GTF2H3: variants seen among roughly 807,000 people sequenced by gnomAD.
The protein encoded by GTF2H3 is general transcription factor IIH subunit 3, also known as TFIIH basal transcription factor complex p34 subunit.
In GTF2H3, 42 loss-of-function variants were observed where a neutral mutation model predicts 51.1. That is an observed-to-expected ratio of 0.82 (90% CI 0.64 to 1.06). The LOEUF is 1.06. Ranked by LOEUF, GTF2H3 falls within the 50% of genes least tolerant of loss-of-function variation. The pLI, the probability that GTF2H3 is intolerant of heterozygous loss-of-function variation, is 0.00. For missense variants in GTF2H3, 326 were observed against 366.1 expected, an observed-to-expected ratio of 0.89 and a Z score of 0.89; for synonymous variants, 123 against 123.8, an observed-to-expected ratio of 0.99 and a Z score of 0.04.
Position 123,660,211 on chromosome 12 carries a change from A to G in GTF2H3, c.903A>G (p.Lys301=), listed in dbSNP as rs907385890. Residue 301 remains lysine, a synonymous_variant, in exon 13 of 13, where the codon AAA becomes AAG. Coordinates refer to ENST00000543341, the MANE Select transcript of GTF2H3 (RefSeq NM_001516.5). ...TGCCTCCAGTGCTGAAAGCCAAGAA[A>G]AAGAAACTGAAAGTGTCTGCCTGAG... The part of the protein sequence containing the change: ...ISLPPVLKAK[K]KKLKVSA 1.2e-6 allele frequency: 2 copies of G among 1,610,674 alleles called. No individual in the cohort carries two copies. Among genetic ancestry groups the G allele is most frequent in the African/African-American group, 1.3e-5 (1 of 74,792 alleles).
intron 1 of GTF2H3, among the ~76,000 whole-genome samples, chr12:123,637,207 A>G (rs946840740): frequency 6.6e-6 from 1 of 152,152 alleles, no homozygotes; most frequent in Non-Finnish European, 1.5e-5. Flanking sequence ...TGGACCCAGT[A>G]TCCCCAACAC....
rs1593820389 is a variant in GTF2H3 at position 123,662,189 on chromosome 12, C to G, written c.*1954C>G. ...CTGATAAAACCCATTGTGTACAAAA[C>G]TTTGTATGTAAGGAAGATTTTAATT... On this transcript the variant is annotated 3_prime_UTR_variant, in exon 13 of 13. Transcript: ENST00000543341. 7.0e-6 allele frequency: 1 copy of G among 142,506 alleles called. No individual in the cohort carries two copies. The highest frequency in any genetic ancestry group is 7.0e-5 in the Admixed American group (1 of 14,336). 8.8% of individuals were successfully genotyped at this position (142,506 alleles called of 1,614,324 possible). A position where few individuals can be genotyped will look rare whatever the true frequency, so the allele number is the denominator to read the frequency against.
chr12:123,648,563 A>G (rs1955480125), intron 4 of GTF2H3, among the ~76,000 whole-genome samples: 1 of 152,062 alleles, frequency 6.6e-6, no homozygotes, highest in African/African-American at 2.4e-5. Context: ...ACTTTCTTTC[A>G]TGCTCAAATG....
chr12:123,648,973 C>CT (rs989349666), intron 4 of GTF2H3: 13 of 143,878 alleles, frequency 9.0e-5, no homozygotes, highest in African/African-American at 2.3e-4. Flanking sequence ...ATTGTCATCT[C>CT]TTTTTTTTGA....
Position 123,662,135 on chromosome 12 carries a change from CAAAAAAAAAA to C in GTF2H3, c.*1912_*1921del, listed in dbSNP as rs34339027. 1.2e-5 allele frequency: 1 copy of C among 80,536 alleles called. No individual in the cohort carries two copies. Among genetic ancestry groups the C allele is most frequent in the Admixed American group, 1.5e-4 (1 of 6,746 alleles). 5.0% of individuals were successfully genotyped at this position (80,536 alleles called of 1,614,324 possible). ...GGGCGACAAGAACAAAACTCTGTCTCAAAAAAAAAAAAAAAAAAAAAGTCTGTACTGATAA... is the reference window on the plus strand; with the variant it reads ...GGGCGACAAGAACAAAACTCTGTCTCAAAAAAAAAAAGTCTGTACTGATAA... On this transcript the variant is annotated 3_prime_UTR_variant, in exon 13 of 13. Transcript: ENST00000543341.
chr12:123,639,842 C>T, intron 2 of GTF2H3: 1 of 386,328 alleles, frequency 2.6e-6, no homozygotes, highest in South Asian at 1.9e-5. Context: ...GTGCAATCTA[C>T]AGACCTAAGC....
chr12:123,655,611 T>G (rs1955576946), intron 8 of GTF2H3, 160 bp from the exon 9 acceptor site: 1 of 563,856 alleles, frequency 1.8e-6, no homozygotes, highest in South Asian at 2.3e-5. Context: ...AGCCATGTCC[T>G]GGGTGCTTCA....
chr12:123,651,187 T>C, intron 5 of GTF2H3, 131 bp downstream of exon 5: 1 of 609,794 alleles, frequency 1.6e-6, no homozygotes, highest in Non-Finnish European at 2.9e-6. Context: ...GGTAATTTTT[T>C]AAAAAATAGT....
chr12:123,658,463 G>A (rs73216997), intron 9 of GTF2H3, among the ~76,000 whole-genome samples: 3,992 of 152,110 alleles, frequency 0.026, 84 homozygotes, highest in Non-Finnish European at 0.037. Flanking sequence ...CAAGTGATCC[G>A]CGATTACAGG....
At chr12:123,641,706 TTTG>T (rs1370741265) in intron 2 of GTF2H3, among the ~76,000 whole-genome samples, 3 of 152,126 alleles carry the variant, frequency 2.0e-5, no homozygotes, top group Non-Finnish European at 2.9e-5. Context: ...TATCTGCTAT[TTTG>T]TTATTTGTTT....
chr12:123,634,393 T>A (rs1350539599), intron 1 of GTF2H3, among the ~76,000 whole-genome samples: 1 of 152,144 alleles, frequency 6.6e-6, no homozygotes, highest in Non-Finnish European at 1.5e-5. Context: ...AGTGAGCTAT[T>A]ATGGCAGTAC....
At chr12:123,644,629 G>C (rs1471705790) in intron 2 of GTF2H3, among the ~76,000 whole-genome samples, 1 of 151,120 alleles carries the variant, frequency 6.6e-6, no homozygotes, top group Non-Finnish European at 1.5e-5. Context: ...TCAGGCCACT[G>C]CACTCCAGCC....
intron 9 of GTF2H3, among the ~76,000 whole-genome samples, chr12:123,656,482 C>G (rs10846538): frequency 0.074 from 11,249 of 152,130 alleles, 584 homozygotes; most frequent in African/African-American, 0.14. Flanking sequence ...ATTCACATAC[C>G]AGCTCTACCT....
chr12:123,638,176 C>T (rs914704504), intron 1 of GTF2H3, among the ~76,000 whole-genome samples: 4 of 150,352 alleles, frequency 2.7e-5, no homozygotes, highest in Admixed American at 6.6e-5. Context: ...TTTTTTTCCC[C>T]GAGATGAAGT....
intron 8 of GTF2H3, 51 bp downstream of exon 8, chr12:123,655,049 A>G (rs374399274): frequency 2.1e-5 from 30 of 1,450,462 alleles, no homozygotes; most frequent in Admixed American, 3.3e-5. Flanking sequence ...CGAAGGAGTC[A>G]ATTTCATTTT....
chr12:123,635,391 T>C (rs11572919), intron 1 of GTF2H3, among the ~76,000 whole-genome samples: 5,610 of 152,026 alleles, frequency 0.037, 270 homozygotes, highest in African/African-American at 0.11. Flanking sequence ...GCCAACATGG[T>C]GAAACCCCGT....
chr12:123,638,051 G>T (rs946433487), intron 1 of GTF2H3, among the ~76,000 whole-genome samples: 1 of 152,006 alleles, frequency 6.6e-6, no homozygotes, highest in Non-Finnish European at 1.5e-5. Flanking sequence ...AGGCTGGAGT[G>T]CATTGGCAGG....
At chr12:123,639,143 G>T in intron 1 of GTF2H3, 121 bp from the exon 2 acceptor site, 1 of 610,820 alleles carries the variant, frequency 1.6e-6, no homozygotes, top group Non-Finnish European at 2.9e-6. Context: ...TAATTATAAG[G>T]TGATAAACAT....
chr12:123,647,819 T>A lies in GTF2H3; in HGVS notation c.201-144T>A, dbSNP rs185459622. 3.0e-3 allele frequency: 1,494 copies of A among 501,286 alleles called. 5 individuals carry two copies. Among genetic ancestry groups the A allele is most frequent in the East Asian group, 3.4e-3 (109 of 32,052 alleles). The allele number at this position is 501,286 out of a possible 1,614,324, so 31.1% of individuals were successfully genotyped here. ...CTAATTTTATCTTACACATTTTTTT[T>A]AAAAAATGAAATTTACCGTGGAATC... On this transcript the variant is annotated intron_variant, in intron 3 of 12. Transcript: ENST00000543341.
Sources: gnomAD v4.1 joint callset for allele counts (sites outside exome capture counted in the v4.1 genomes callset) on GRCh38, gnomAD v4.1.1 for gene constraint, MANE v1.5 for transcripts, NCBI Gene and HGNC (gene_info 2026-07-23, HGNC 2026-07-21) for gene names.